CAPS2: variants seen among roughly 807,000 people sequenced by gnomAD.
CAPS2 encodes calcyphosine 2, also known as calcyphosin-2.
CAPS2 carries 98 observed loss-of-function variants against 86.5 expected under a neutral mutation model. That is an observed-to-expected ratio of 1.13 (90% confidence interval 0.96 to 1.34). The LOEUF is 1.34. Among genes scored for constraint, CAPS2 ranks in the 40% most tolerant of loss-of-function variants. The pLI is 0.00. For missense variants in CAPS2, 729 were observed against 686.8 expected, an observed-to-expected ratio of 1.06 and a Z score of -0.69; for synonymous variants, 210 against 225.1, an observed-to-expected ratio of 0.93 and a Z score of 0.60.
chr12:75,321,595 A>G lies in CAPS2; in HGVS notation c.292-19T>C, dbSNP rs370945851. ...TCTGATCCTATAGGTAAAAAGAAAA[A>G]AGCATGCTATCAGAAAAAAAAAGTA... On this transcript the variant is annotated intron_variant, in intron 4 of 16. Transcript: ENST00000393284. 10 of 1,517,192 alleles carry G rather than the reference A, an allele frequency of 6.6e-6. No homozygotes were observed. The African/African-American group carries it at 1.3e-4, about 19-fold the overall frequency. 94.0% of individuals were successfully genotyped at this position (1,517,192 alleles called of 1,614,324 possible).
At chr12:75,293,697 A>G (rs754313502) in intron 11 of CAPS2, among the ~76,000 whole-genome samples, 51 of 152,320 alleles carry the variant, frequency 3.3e-4, no homozygotes, top group Non-Finnish European at 5.7e-4. Flanking sequence ...CTAATGGCCT[A>G]CAGAATGACA....
chr12:75,371,560 T>C, intron 1 of CAPS2: 1 of 227,730 alleles, frequency 4.4e-6, no homozygotes, highest in Non-Finnish European at 9.3e-6. Flanking sequence ...CCTGAAATCA[T>C]ATATAATCTC....
At chr12:75,315,289 G>T (rs2039641006) in intron 6 of CAPS2, among the ~76,000 whole-genome samples, 1 of 151,552 alleles carries the variant, frequency 6.6e-6, no homozygotes, top group Non-Finnish European at 1.5e-5. Context: ...ATAACTTCAG[G>T]GATATATCAA....
upstream of CAPS2, among the ~76,000 whole-genome samples, chr12:75,327,395 T>C (rs1003803307): frequency 1.3e-5 from 2 of 152,142 alleles, no homozygotes; most frequent in Non-Finnish European, 2.9e-5. Flanking sequence ...AAAAGGATAT[T>C]GAAAGTAATC....
intron 1 of CAPS2, among the ~76,000 whole-genome samples, chr12:75,338,590 ATT>A (rs113010335): frequency 0.011 from 1,630 of 148,620 alleles, 20 homozygotes; most frequent in African/African-American, 0.033. Context: ...TGGAAAAGTT[ATT>A]TTTTTTTTCA....
chr12:75,295,142 G>C (rs1410422756), intron 11 of CAPS2: 1 of 151,864 alleles, frequency 6.6e-6, no homozygotes, highest in African/African-American at 2.4e-5. Flanking sequence ...AATTGAAAAA[G>C]AAAAACAACA....
chr12:75,306,316 C>A, intron 7 of CAPS2: 1 of 553,924 alleles, frequency 1.8e-6, no homozygotes. Context: ...CTGCGGGAGG[C>A]TAATCCCACT....
At chr12:75,279,456 C>T (rs2033492926) in intron 16 of CAPS2, among the ~76,000 whole-genome samples, 1 of 151,986 alleles carries the variant, frequency 6.6e-6, no homozygotes, top group Admixed American at 6.6e-5. Flanking sequence ...ATGTGACCCT[C>T]TAAAACGTTT....
intron 5 of CAPS2, among the ~76,000 whole-genome samples, chr12:75,320,167 C>G (rs957560243): frequency 5.3e-5 from 8 of 152,038 alleles, no homozygotes; most frequent in Non-Finnish European, 1.0e-4. Flanking sequence ...TTATTATATA[C>G]TTACCAATTT....
In CAPS2 at chr12:75,325,608, T is replaced by C. The variant is rs1310895257; in HGVS notation, c.82-320A>G. Among the ~76,000 whole-genome samples, 5 of 151,836 alleles carry C rather than the reference T, an allele frequency of 3.3e-5. No homozygotes were observed. The East Asian group carries it at 9.6e-4, about 29-fold the overall frequency. ...CCTACTCTAGGGAATTTAGGAAGCT[T>C]GTTTTTTTTTGTTTGTTTTTTTGTT... is the stretch of plus-strand genomic sequence containing the variant. On this transcript the variant is annotated intron_variant, in intron 1 of 16. Transcript: ENST00000393284.
At chr12:75,368,659 G>C (rs969252181) in intron 1 of CAPS2, among the ~76,000 whole-genome samples, 23 of 151,930 alleles carry the variant, frequency 1.5e-4, no homozygotes, top group African/African-American at 5.1e-4. Flanking sequence ...TTTTCCTCCT[G>C]CATTTTTCCT....
At chr12:75,386,749 G>A (rs1374700322) in intron 1 of CAPS2, among the ~76,000 whole-genome samples, 1 of 151,996 alleles carries the variant, frequency 6.6e-6, no homozygotes, top group Non-Finnish European at 1.5e-5. Flanking sequence ...CTGAGAAATA[G>A]AACAGCATAA....
At chr12:75,356,364 A>G (rs920905163) in intron 1 of CAPS2, among the ~76,000 whole-genome samples, 5 of 152,148 alleles carry the variant, frequency 3.3e-5, no homozygotes, top group African/African-American at 1.2e-4. Flanking sequence ...TTCTTATTTA[A>G]TTCTCTTTCA....
upstream of CAPS2, chr12:75,326,638 T>G: frequency 1.7e-6 from 1 of 602,744 alleles, no homozygotes; most frequent in Non-Finnish European, 3.0e-6. Context: ...GGTTAATCAC[T>G]TCTAGTGCTT....
intron 1 of CAPS2, 41 bp downstream of exon 2, chr12:75,326,377 A>G: frequency 1.3e-6 from 1 of 753,068 alleles, no homozygotes; most frequent in Non-Finnish European, 2.2e-6. Context: ...AATTATTTAT[A>G]AGTCATCCTG....
intron 7 of CAPS2, chr12:75,306,116 C>T: frequency 7.9e-7 from 1 of 1,267,988 alleles, no homozygotes; most frequent in Non-Finnish European, 1.1e-6. Flanking sequence ...CCACCTTCCA[C>T]ATTCGGGAAC....
At chr12:75,299,213 C>T (rs755805973) in intron 9 of CAPS2, among the ~76,000 whole-genome samples, 5 of 152,104 alleles carry the variant, frequency 3.3e-5, no homozygotes, top group Non-Finnish European at 5.9e-5. Context: ...TTACGATGTA[C>T]ATTATTAATT....
chr12:75,304,916 C>T (rs1356581548), intron 7 of CAPS2, 40 bp from the exon 8 acceptor site: 3 of 1,588,598 alleles, frequency 1.9e-6, no homozygotes, highest in African/African-American at 2.7e-5. Flanking sequence ...TAAATATGAT[C>T]ATGCATTACT....
At chr12:75,278,186 A>T (rs1593151191) in exon 17 of CAPS2, 2 of 976,492 alleles carry the variant, frequency 2.0e-6, no homozygotes, top group East Asian at 2.3e-4. Context: ...AGAATAAAAG[A>T]ACAAATACAA....
Sources: allele counts gnomAD v4.1 joint callset (sites outside exome capture counted in the v4.1 genomes callset), GRCh38; gene constraint gnomAD v4.1.1; transcripts MANE v1.5; gene names NCBI Gene and HGNC (gene_info 2026-07-23, HGNC 2026-07-21).